The following MCU variants were observed in gnomAD, a reference collection of about 807,000 sequenced individuals.
MCU encodes mitochondrial calcium uniporter, also known as calcium uniporter protein, mitochondrial.
MCU carries 12 observed loss-of-function variants against 45.2 expected under a neutral mutation model. The observed-to-expected ratio is 0.27, with a 90% confidence interval of 0.17 to 0.43. MCU has a LOEUF of 0.43. MCU is among the 20% of genes least tolerant of loss of function. MCU has a pLI of 1.00. For synonymous variants in MCU, 160 were observed against 165.1 expected (o/e 0.97, Z 0.24); for missense variants, 324 against 436.7 (o/e 0.74, Z 2.30).
At chr10:72,837,200 T>C (rs559902469) in intron 2 of MCU, among the ~76,000 whole-genome samples, 1 of 152,304 alleles carries the variant, frequency 6.6e-6, no homozygotes, top group Non-Finnish European at 1.5e-5. Flanking sequence ...CTAGATTTTT[T>C]TTTTTTTGGT....
chr10:72,797,833 T>G (rs983691411), intron 1 of MCU, among the ~76,000 whole-genome samples: 2 of 152,042 alleles, frequency 1.3e-5, no homozygotes, highest in African/African-American at 2.4e-5. Context: ...CATAATGTAC[T>G]TTTAATAGCA....
rs540583389 is a variant in MCU at position 72,801,752 on chromosome 10, A to G, written c.151-32607A>G. On this transcript the variant is annotated intron_variant, in intron 1 of 7. Coordinates refer to ENST00000373053, the MANE Select transcript of MCU (RefSeq NM_138357.3). Reference sequence around the variant, plus strand: ...AGTGGTGTGATCTTGGCTCACTGCAACCTCTACCTCCCAGGCTCAAGCGAA... The same window carrying G: ...AGTGGTGTGATCTTGGCTCACTGCAGCCTCTACCTCCCAGGCTCAAGCGAA... Among the ~76,000 whole-genome samples, 4 of 149,740 alleles carry G rather than the reference A, an allele frequency of 2.7e-5. No individual in the cohort carries two copies. The South Asian group carries it at 8.5e-4, about 32-fold the overall frequency.
intron 2 of MCU, among the ~76,000 whole-genome samples, chr10:72,851,906 G>C (rs960479880): frequency 6.6e-6 from 1 of 152,214 alleles, no homozygotes; most frequent in African/African-American, 2.4e-5. Context: ...ATGACCAAGG[G>C]CAGTTTGGAG....
At chr10:72,728,809 GA>G (rs1843133637) in intron 1 of MCU, among the ~76,000 whole-genome samples, 1 of 152,214 alleles carries the variant, frequency 6.6e-6, no homozygotes, top group Non-Finnish European at 1.5e-5. Context: ...ATATGGATAA[GA>G]AAGGCATTCC....
At chr10:72,835,641 A>G (rs996623445) in intron 2 of MCU, among the ~76,000 whole-genome samples, 8 of 152,234 alleles carry the variant, frequency 5.3e-5, no homozygotes. Context: ...CAAATCTTCT[A>G]AATTTGGAAG....
rs1001816555 is a variant in MCU at position 72,854,394 on chromosome 10, A to G, written c.221-4783A>G. 3.3e-5 allele frequency among the ~76,000 whole-genome samples: 5 copies of G among 152,224 alleles called. No individual in the cohort carries two copies. The East Asian group carries it at 5.8e-4, about 18-fold the overall frequency. ...CTCATATCATATACTATGCAAAACA[A>G]AATTTCTTTAAAAGATAATCAAAAG... is the stretch of plus-strand genomic sequence containing the variant. On this transcript the variant is annotated intron_variant, in intron 2 of 7. Coordinates refer to ENST00000373053, the MANE Select transcript of MCU (RefSeq NM_138357.3).
At chr10:72,818,508 A>G (rs753672187) in intron 1 of MCU, among the ~76,000 whole-genome samples, 7 of 152,150 alleles carry the variant, frequency 4.6e-5, no homozygotes, top group Non-Finnish European at 1.0e-4. Context: ...GTTTAGTAGC[A>G]TTGAATCTAA....
intron 1 of MCU, among the ~76,000 whole-genome samples, chr10:72,768,068 G>A (rs1415186056): frequency 6.6e-6 from 1 of 151,672 alleles, no homozygotes; most frequent in Non-Finnish European, 1.5e-5. Flanking sequence ...GAATAAAAAA[G>A]GCTCATGAAA....
chr10:72,868,289 C>CT (rs1845488282), intron 4 of MCU, among the ~76,000 whole-genome samples: 1 of 152,044 alleles, frequency 6.6e-6, no homozygotes, highest in Non-Finnish European at 1.5e-5. Context: ...TGGCTAATGC[C>CT]TATAATACCA....
intron 1 of MCU, among the ~76,000 whole-genome samples, chr10:72,820,807 C>T (rs1047980430): frequency 2.0e-4 from 30 of 152,186 alleles, no homozygotes; most frequent in African/African-American, 7.0e-4. Context: ...CCACCACGCC[C>T]GGCCTGGTTA....
At chr10:72,824,497 C>G (rs1181942863) in intron 1 of MCU, among the ~76,000 whole-genome samples, 1 of 151,924 alleles carries the variant, frequency 6.6e-6, no homozygotes, top group African/African-American at 2.4e-5. Context: ...GCGTGAGGCA[C>G]CGCGCCCGGC....
intron 1 of MCU, among the ~76,000 whole-genome samples, chr10:72,711,948 G>T (rs1842900336): frequency 6.6e-6 from 1 of 150,854 alleles, no homozygotes; most frequent in African/African-American, 2.4e-5. Flanking sequence ...TCCTGACCTC[G>T]TGATCCGCCT....
chr10:72,846,818 A>T (rs1845130225), intron 2 of MCU, among the ~76,000 whole-genome samples: 1 of 152,106 alleles, frequency 6.6e-6, no homozygotes, highest in South Asian at 2.1e-4. Flanking sequence ...CTGGGAAGGG[A>T]CCAGGAAGCA....
chr10:72,715,193 C>G, intron 1 of MCU: 2 of 985,006 alleles, frequency 2.0e-6, no homozygotes, highest in Non-Finnish European at 2.4e-6. Context: ...GACATCTTAG[C>G]TGCTAGAGTG....
intron 2 of MCU, among the ~76,000 whole-genome samples, chr10:72,835,522 A>G (rs1346033134): frequency 6.6e-6 from 1 of 152,234 alleles, no homozygotes; most frequent in Non-Finnish European, 1.5e-5. Context: ...AAAATGAATC[A>G]TGAGAACACT....
intron 1 of MCU, among the ~76,000 whole-genome samples, chr10:72,805,101 C>CTTTCTTTCTCTTTCTTTCTTTCTTTCTT (rs1554824914): frequency 9.7e-6 from 1 of 103,398 alleles, no homozygotes; most frequent in African/African-American, 4.3e-5. Flanking sequence ...TTCTTTCTTT[C>CTTTCTTTCTCTTTCTTTCTTTCTTTCTT]TCTTTCTTTC....
intron 1 of MCU, among the ~76,000 whole-genome samples, chr10:72,764,615 G>A (rs777426390): frequency 1.9e-4 from 29 of 152,040 alleles, no homozygotes; most frequent in Non-Finnish European, 4.1e-4. Context: ...TTTTTCATTG[G>A]GAAGACTATG....
chr10:72,773,840 A>G (rs1843849274), intron 1 of MCU, among the ~76,000 whole-genome samples: 1 of 152,236 alleles, frequency 6.6e-6, no homozygotes, highest in Admixed American at 6.5e-5. Flanking sequence ...AGAATTCTCA[A>G]GGAAAAAACT....
rs192905459 is a variant in MCU at position 72,752,053 on chromosome 10, A to T, written c.150+59752A>T. Reference sequence around the variant, plus strand: ...ACGGGGTTTCACCATGTTAGCCAGGATGGTCTCGATCTCCTGACTTCGTGA... The same window carrying T: ...ACGGGGTTTCACCATGTTAGCCAGGTTGGTCTCGATCTCCTGACTTCGTGA... On this transcript the variant is annotated intron_variant, in intron 1 of 7. Transcript: ENST00000373053. 1.5e-3 allele frequency among the ~76,000 whole-genome samples: 220 copies of T among 151,396 alleles called. 2 individuals carry two copies. The highest frequency in any genetic ancestry group is 4.9e-3 in the African/African-American group (201 of 41,244).
Sources: gnomAD v4.1 joint callset for allele counts (sites outside exome capture counted in the v4.1 genomes callset) on GRCh38, gnomAD v4.1.1 for gene constraint, MANE v1.5 for transcripts, NCBI Gene and HGNC (gene_info 2026-07-23, HGNC 2026-07-21) for gene names.